RXRA: variants seen among roughly 807,000 people sequenced by gnomAD.
RXRA encodes the protein retinoic acid receptor RXR-alpha.
In RXRA, 5 loss-of-function variants were observed where a neutral mutation model predicts 44.5. That is an observed-to-expected ratio of 0.11 (90% confidence interval 0.06 to 0.24). The LOEUF (loss-of-function observed/expected upper bound fraction) is 0.24, where lower values mean the gene tolerates loss of function less well. RXRA is among the 10% of genes least tolerant of loss of function. The probability of loss-of-function intolerance (pLI) is 1.00; values close to 1 mark genes in which losing one functional copy is unlikely to be tolerated. For synonymous variants in RXRA, 291 were observed against 271.4 expected, an observed-to-expected ratio of 1.07 and a Z score of -0.71; for missense variants, 412 against 646.5, an observed-to-expected ratio of 0.64 and a Z score of 3.93.
intron 1 of RXRA, among the ~76,000 whole-genome samples, chr9:134,360,954 T>TCTTTTCCCCTGG (rs1351073958): frequency 7.2e-5 from 11 of 152,146 alleles, no homozygotes; most frequent in Non-Finnish European, 1.5e-4. Context: ...GTGACTCCTG[T>TCTTTTCCCCTGG]CTTTTCCCCT....
intron 1 of RXRA, among the ~76,000 whole-genome samples, chr9:134,368,992 C>T (rs1441353539): frequency 5.5e-4 from 36 of 65,916 alleles, no homozygotes; most frequent in African/African-American, 2.3e-3. Context: ...TGTGTGAGTG[C>T]GGGGCTTGTG....
chr9:134,327,952 C>T (rs561972594), intron 1 of RXRA, among the ~76,000 whole-genome samples: 2 of 152,262 alleles, frequency 1.3e-5, no homozygotes, highest in African/African-American at 4.8e-5. Flanking sequence ...CAGGGGTGGG[C>T]GCTCATGCCC....
At position 134,430,113 on chromosome 9, in the gene RXRA, C is replaced by G. The variant is rs35784994; in HGVS notation, c.1043+873C>G. 3.0e-3 allele frequency among the ~76,000 whole-genome samples: 457 copies of G among 152,342 alleles called. 2 individuals carry two copies. The highest frequency in any genetic ancestry group is 0.01 in the African/African-American group (436 of 41,568). ...GTGTTAGCCAGGATGGTCTCGATCT[C>G]CTGACCTCGTGATCCGCCCACCTCG... On this transcript the variant is annotated intron_variant, in intron 7 of 9. Coordinates refer to ENST00000481739, the MANE Select transcript of RXRA (RefSeq NM_002957.6).
chr9:134,384,726 T>C (rs1830694168), intron 1 of RXRA, among the ~76,000 whole-genome samples: 1 of 152,130 alleles, frequency 6.6e-6, no homozygotes, highest in Non-Finnish European at 1.5e-5. Context: ...CCCTTTTCTG[T>C]CTTCCAGGAG....
At chr9:134,415,168 G>C (rs34927017) in intron 4 of RXRA, among the ~76,000 whole-genome samples, 2,586 of 152,328 alleles carry the variant, frequency 0.017, 75 homozygotes, top group African/African-American at 0.059. Context: ...TGTGTGGGCG[G>C]AAGTCCCTCG....
chr9:134,382,777 A>T (rs549270290), intron 1 of RXRA, among the ~76,000 whole-genome samples: 34 of 152,220 alleles, frequency 2.2e-4, no homozygotes, highest in South Asian at 4.1e-4. Context: ...TGAGCTGGGA[A>T]GACATGTGCC....
At chr9:134,424,970 C>T in intron 6 of RXRA, 1 of 985,464 alleles carries the variant, frequency 1.0e-6, no homozygotes, top group Non-Finnish European at 1.2e-6. Flanking sequence ...CCACTGTGTT[C>T]CCAGTGCTGG....
rs1253594604 is a variant in RXRA, at chr9:134,342,365, T to C, written c.28+15706T>C. Among the ~76,000 whole-genome samples the C allele has an allele frequency of 2.6e-5, 4 of 152,032 alleles. No individual in the cohort carries two copies. Among genetic ancestry groups the C allele is most frequent in the Non-Finnish European group, 5.9e-5 (4 of 67,994 alleles). On this transcript the variant is annotated intron_variant, in intron 1 of 9. Coordinates refer to ENST00000481739, the MANE Select transcript of RXRA (RefSeq NM_002957.6). The surrounding 1 kb of genome is among the most constrained non-coding windows in gnomAD (Gnocchi z 4.4). ...CCTCATTTACAGAGGGGGCCTGGGC[T>C]CAGAGAGGCTGAGCCGATCTTCAAG...
At chr9:134,409,185 C>T (rs1456981271) in intron 4 of RXRA, 66 bp downstream of exon 4, 39 of 1,409,576 alleles carry the variant, frequency 2.8e-5, no homozygotes, top group African/African-American at 1.6e-4. Context: ...CGGGCTTGTG[C>T]GTGGACACCC....
Position 134,343,472 on chromosome 9 carries a change from G to A in RXRA, c.28+16813G>A, listed in dbSNP as rs1333204274. Reference sequence around the variant, plus strand: ...CGCTCAGTGTAGGGCAAAGGAACGTGAGGAGGGCATGAGTGTTGTATCTCA... The same window carrying A: ...CGCTCAGTGTAGGGCAAAGGAACGTAAGGAGGGCATGAGTGTTGTATCTCA... On this transcript the variant is annotated intron_variant, in intron 1 of 9. Coordinates refer to ENST00000481739, the MANE Select transcript of RXRA (RefSeq NM_002957.6). This position sits in a 1 kb window ranked among gnomAD's most constrained non-coding sequence, Gnocchi z 4.1. 6.6e-6 allele frequency among the ~76,000 whole-genome samples: 1 copy of A among 152,142 alleles called. No individual in the cohort carries two copies. The highest frequency in any genetic ancestry group is 2.1e-4 in the South Asian group (1 of 4,834).
At chr9:134,340,725 A>T (rs1236346478) in intron 1 of RXRA, among the ~76,000 whole-genome samples, 3 of 152,038 alleles carry the variant, frequency 2.0e-5, no homozygotes, top group African/African-American at 7.2e-5. Flanking sequence ...GGTAGATTGG[A>T]TGTGTGAGCT....
Position 134,426,766 on chromosome 9 carries a change from C to A in RXRA, c.911-2342C>A. ...GCCTGCAGGATGTGAGGGAGAGAGG[C>A]AGGCCCGAGAGGCCAGGACTGGCCA... On this transcript the variant is annotated intron_variant, in intron 6 of 9. Coordinates refer to ENST00000481739, the MANE Select transcript of RXRA (RefSeq NM_002957.6). The surrounding 1 kb of genome is among the most constrained non-coding windows in gnomAD (Gnocchi z 4.6). The A allele has an allele frequency of 3.0e-6, 3 of 985,400 alleles. No individual in the cohort carries two copies. Among genetic ancestry groups the A allele is most frequent in the Non-Finnish European group, 3.6e-6 (3 of 829,918 alleles). The allele number at this position is 985,400 out of a possible 1,614,324, so 61.0% of individuals were successfully genotyped here.
intron 1 of RXRA, among the ~76,000 whole-genome samples, chr9:134,376,189 A>G (rs927481914): frequency 1.3e-5 from 2 of 152,170 alleles, no homozygotes; most frequent in African/African-American, 4.8e-5. Flanking sequence ...AGGCGCAGCC[A>G]GGCCTTCTTG....
chr9:134,379,570 T>G, intron 1 of RXRA: 2 of 985,434 alleles, frequency 2.0e-6, no homozygotes, highest in African/African-American at 1.7e-5. Context: ...ATGGGGGGCT[T>G]GCTCCAGGCC....
At chr9:134,351,080 C>G (rs782297144) in intron 1 of RXRA, among the ~76,000 whole-genome samples, 80 of 152,262 alleles carry the variant, frequency 5.3e-4, no homozygotes, top group Non-Finnish European at 6.2e-4. Context: ...GGTACAAACA[C>G]CGCATTGTGA....
intron 5 of RXRA, among the ~76,000 whole-genome samples, chr9:134,419,522 A>G (rs1367904149): frequency 6.6e-6 from 1 of 152,134 alleles, no homozygotes; most frequent in Non-Finnish European, 1.5e-5. Context: ...AGAACCGCTC[A>G]CTGGGCCCCT....
chr9:134,415,735 G>A (rs1299946030), intron 4 of RXRA, among the ~76,000 whole-genome samples: 1 of 152,200 alleles, frequency 6.6e-6, no homozygotes, highest in African/African-American at 2.4e-5. Context: ...GCACAAGGGA[G>A]GGAGGAACTG....
chr9:134,388,806 G>A (rs1421037397), intron 1 of RXRA, among the ~76,000 whole-genome samples: 4 of 152,206 alleles, frequency 2.6e-5, no homozygotes, highest in Non-Finnish European at 4.4e-5. Context: ...GGTGACAGCC[G>A]GGTGCCCTGG....
chr9:134,330,192 A>G (rs1481932431), intron 1 of RXRA, among the ~76,000 whole-genome samples: 1 of 151,662 alleles, frequency 6.6e-6, no homozygotes, highest in Non-Finnish European at 1.5e-5. Flanking sequence ...GCCCTCCCCA[A>G]CCCCCAGCTG....
Sources: allele counts gnomAD v4.1 joint callset (sites outside exome capture counted in the v4.1 genomes callset), GRCh38; gene constraint gnomAD v4.1.1; non-coding constraint Gnocchi (gnomAD v3.1); transcripts MANE v1.5; gene names NCBI Gene and HGNC (gene_info 2026-07-23, HGNC 2026-07-21).